Variants in ROR1 observed in about 807,000 individuals in gnomAD.
The protein encoded by ROR1 is inactive tyrosine-protein kinase transmembrane receptor ROR1.
Under a neutral mutation model 78.8 loss-of-function variants are expected in ROR1, and 19 were observed. The observed-to-expected ratio is 0.24, with a 90% CI of 0.17 to 0.35. ROR1 has a LOEUF of 0.35. ROR1 is among the 10% of genes least tolerant of loss of function. The pLI, the probability that ROR1 is intolerant of heterozygous loss-of-function variation, is 1.00. For synonymous variants in ROR1, 386 were observed against 433.6 expected (o/e 0.89, Z 1.36); for missense variants, 917 against 1,177.8 (o/e 0.78, Z 3.24).
chr1:63,907,266 T>C (rs574745805), intron 1 of ROR1, among the ~76,000 whole-genome samples: 1 of 152,138 alleles, frequency 6.6e-6, no homozygotes, highest in Non-Finnish European at 1.5e-5. Context: ...GACTTGGCGA[T>C]GTTGGCAAAT....
At position 64,014,713 on chromosome 1, in the gene ROR1, C is replaced by CTATA. The variant is rs112423773; in HGVS notation, c.163+5348_163+5351dup. On this transcript the variant is annotated intron_variant, in intron 2 of 8. Transcript: ENST00000371079. ...GCAAATAGTTCTCTGTGCTGACAGACTATATATATATATACACATACGCAC... is the reference window on the plus strand; with the variant it reads ...GCAAATAGTTCTCTGTGCTGACAGACTATATATATATATATATACACATACGCAC... Among the ~76,000 whole-genome samples, 10 of 29,318 alleles carry CTATA rather than the reference C, an allele frequency of 3.4e-4. 1 individual carries two copies. The highest frequency in any genetic ancestry group is 4.4e-4 in the Non-Finnish European group (5 of 11,374). The allele number at this position is 29,318 out of a possible 152,430, so 19.2% of individuals were successfully genotyped here.
intron 1 of ROR1, among the ~76,000 whole-genome samples, chr1:63,845,368 C>T (rs1485344087): frequency 6.6e-6 from 1 of 152,106 alleles, no homozygotes; most frequent in Non-Finnish European, 1.5e-5. Context: ...TTGGAAAATA[C>T]TGATAAACGA....
At chr1:64,045,404 A>G (rs2100586506) in intron 2 of ROR1, among the ~76,000 whole-genome samples, 1 of 152,254 alleles carries the variant, frequency 6.6e-6, no homozygotes, top group African/African-American at 2.4e-5. Flanking sequence ...TAAATATTTT[A>G]TTAAAATATT....
chr1:63,840,803 C>T (rs1014460255), intron 1 of ROR1, among the ~76,000 whole-genome samples: 1 of 152,090 alleles, frequency 6.6e-6, no homozygotes, highest in Non-Finnish European at 1.5e-5. Flanking sequence ...CTGGGTGAAC[C>T]GGAGTAAGTT....
rs189283441 is a variant in ROR1 at position 63,853,189 on chromosome 1, G to A, written c.91+78681G>A. Among the ~76,000 whole-genome samples the A allele has an allele frequency of 6.6e-5, 10 of 152,256 alleles. 1 individual carries two copies. The highest frequency in any genetic ancestry group is 1.4e-4 in the African/African-American group (6 of 41,554). On this transcript the variant is annotated intron_variant, in intron 1 of 8. Transcript: ENST00000371079. ...CCCAGCATCATAGTCACCAACTGTG[G>A]CAACAGCTGCTGCTAATGTTTTTTG...
chr1:64,048,354 T>C (rs1408153), intron 2 of ROR1, among the ~76,000 whole-genome samples: 111,091 of 152,096 alleles, frequency 0.73, 42,829 homozygotes, highest in East Asian at 0.93. Flanking sequence ...TTTCCATCAT[T>C]GCAGAAAGTT....
intron 1 of ROR1, among the ~76,000 whole-genome samples, chr1:63,828,591 G>C (rs1304421585): frequency 6.6e-6 from 1 of 152,172 alleles, no homozygotes; most frequent in Non-Finnish European, 1.5e-5. Context: ...CCTCCTGATA[G>C]GCTAAGGAGT....
chr1:64,077,983 C>G (rs995036314), intron 4 of ROR1, among the ~76,000 whole-genome samples: 19 of 152,174 alleles, frequency 1.2e-4, no homozygotes, highest in African/African-American at 4.6e-4. Context: ...GCCCTTAACT[C>G]TCTGGTGTAC....
chr1:63,845,037 C>G (rs976676755), intron 1 of ROR1, among the ~76,000 whole-genome samples: 30 of 152,028 alleles, frequency 2.0e-4, no homozygotes, highest in Admixed American at 6.5e-5. Flanking sequence ...ACTAGTGCAC[C>G]CTGCTTTGTG....
intron 8 of ROR1, among the ~76,000 whole-genome samples, chr1:64,165,849 C>T (rs1650071993): frequency 6.6e-6 from 1 of 151,798 alleles, no homozygotes; most frequent in South Asian, 2.1e-4. Flanking sequence ...GGACTACAGG[C>T]ATGTACCACC....
intron 1 of ROR1, among the ~76,000 whole-genome samples, chr1:63,804,265 A>G (rs1644815248): frequency 6.6e-6 from 1 of 152,066 alleles, no homozygotes; most frequent in African/African-American, 2.4e-5. Flanking sequence ...GAACGCACAC[A>G]CTCACACACA....
intron 1 of ROR1, among the ~76,000 whole-genome samples, chr1:63,803,303 C>T (rs1023374239): frequency 2.0e-5 from 3 of 151,862 alleles, no homozygotes; most frequent in Non-Finnish European, 4.4e-5. Context: ...TTTAAGAGGG[C>T]CGAGTATGGT....
chr1:63,848,687 T>G (rs1174001208), intron 1 of ROR1, among the ~76,000 whole-genome samples: 1 of 152,154 alleles, frequency 6.6e-6, no homozygotes, highest in Non-Finnish European at 1.5e-5. Context: ...TCTTTTTAAA[T>G]TCACTTGGAA....
At chr1:63,813,841 G>A (rs1188509923) in intron 1 of ROR1, among the ~76,000 whole-genome samples, 1 of 152,174 alleles carries the variant, frequency 6.6e-6, no homozygotes, top group African/African-American at 2.4e-5. Flanking sequence ...GTCACATAAG[G>A]TCATGAGCTA....
At chr1:63,997,128 TGGCTGAGAATCAA>T (rs1336708450) in intron 1 of ROR1, among the ~76,000 whole-genome samples, 1 of 152,184 alleles carries the variant, frequency 6.6e-6, no homozygotes, top group East Asian at 1.9e-4. Flanking sequence ...ATGCTTTAAG[TGGCTGAGAATCAA>T]GGCTGAAAAG....
At chr1:63,794,097 G>A (rs943536248) in intron 1 of ROR1, among the ~76,000 whole-genome samples, 5 of 152,136 alleles carry the variant, frequency 3.3e-5, no homozygotes, top group African/African-American at 1.2e-4. Flanking sequence ...CACTGTCACC[G>A]CTTCCTAGGG....
At chr1:63,852,898 C>T (rs1645123101) in intron 1 of ROR1, among the ~76,000 whole-genome samples, 1 of 152,164 alleles carries the variant, frequency 6.6e-6, no homozygotes, top group South Asian at 2.1e-4. Flanking sequence ...TTACCAAGTT[C>T]TGTGGCCCAG....
chr1:63,963,891 T>A (rs141525732), intron 1 of ROR1, among the ~76,000 whole-genome samples: 1 of 152,180 alleles, frequency 6.6e-6, no homozygotes, highest in Admixed American at 6.5e-5. Flanking sequence ...TTTCTAAGGA[T>A]GGCAGAGCAG....
intron 7 of ROR1, 52 bp from the exon 8 acceptor site, chr1:64,158,927 ATG>A (rs879925713): frequency 7.6e-7 from 1 of 1,308,932 alleles, no homozygotes; most frequent in Non-Finnish European, 1.1e-6. Context: ...ATGTAATATT[ATG>A]CATGTTACTT....
Sources: allele counts gnomAD v4.1 joint callset (sites outside exome capture counted in the v4.1 genomes callset), GRCh38; gene constraint gnomAD v4.1.1; transcripts MANE v1.5; gene names NCBI Gene and HGNC (gene_info 2026-07-23, HGNC 2026-07-21).